Variants in TPST1 observed in about 807,000 individuals in gnomAD.
TPST1 encodes tyrosylprotein sulfotransferase 1, also known as protein-tyrosine sulfotransferase 1.
In TPST1, 20 loss-of-function variants were observed where a neutral mutation model predicts 34.8. The ratio of observed to expected loss-of-function variants is 0.57; its 90% CI spans 0.40 to 0.84. The LOEUF (loss-of-function observed/expected upper bound fraction) is 0.84. TPST1 is among the 40% of genes least tolerant of loss of function. The pLI is 0.00. For missense variants in TPST1, 353 were observed against 455.5 expected (o/e 0.78, Z 2.05); for synonymous variants, 152 against 159.4 (o/e 0.95, Z 0.35).
chr7:66,322,025 TTC>T (rs1491564933), intron 3 of TPST1, among the ~76,000 whole-genome samples: 2 of 152,216 alleles, frequency 1.3e-5, no homozygotes, highest in East Asian at 3.8e-4. Flanking sequence ...GCCTTGCCTT[TTC>T]TCTCTCTTAA....
rs71051352 is a variant in TPST1 at position 66,347,059 on chromosome 7, C to CTTTTTTTTTTTTTTTTT, written c.1045-5436_1045-5420dup. On this transcript the variant is annotated intron_variant, in intron 3 of 5. Coordinates refer to ENST00000304842, the MANE Select transcript of TPST1 (RefSeq NM_003596.4). ...TTTCTTCTTTTTTTCCTTTGCTTTT[C>CTTTTTTTTTTTTTTTTT]TTTTTTTTTTTTTTTTTTTTTTTTT... Among the ~76,000 whole-genome samples, 12 of 59,974 alleles carry CTTTTTTTTTTTTTTTTT rather than the reference C, an allele frequency of 2.0e-4. 4 individuals carry two copies. The highest frequency in any genetic ancestry group is 5.6e-4 in the Admixed American group (2 of 3,546). 39.3% of individuals were successfully genotyped at this position (59,974 alleles called of 152,430 possible). A position where few individuals can be genotyped will look rare whatever the true frequency, so the allele number is the denominator to read the frequency against.
chr7:66,307,603 C>T (rs895297750), intron 3 of TPST1, among the ~76,000 whole-genome samples: 1 of 152,188 alleles, frequency 6.6e-6, no homozygotes, highest in Non-Finnish European at 1.5e-5. Context: ...CCAGTGTGAT[C>T]ATCCTGCTAC....
intron 2 of TPST1, among the ~76,000 whole-genome samples, chr7:66,250,752 A>G (rs775996168): frequency 5.9e-5 from 9 of 152,228 alleles, no homozygotes; most frequent in Non-Finnish European, 1.3e-4. Context: ...TATAAAGTAG[A>G]ACAATTATAA....
intron 1 of TPST1, among the ~76,000 whole-genome samples, chr7:66,239,197 T>C (rs989098418): frequency 1.1e-4 from 16 of 152,178 alleles, no homozygotes; most frequent in African/African-American, 3.9e-4. Context: ...TGTGGGCTGG[T>C]CTCGAACTCC....
At chr7:66,225,081 C>A (rs1789624712) in intron 1 of TPST1, among the ~76,000 whole-genome samples, 1 of 151,316 alleles carries the variant, frequency 6.6e-6, no homozygotes, top group Admixed American at 6.6e-5. Context: ...CCACGCCTGG[C>A]TAATTTTGTA....
chr7:66,281,266 C>T (rs1729926079), intron 2 of TPST1, among the ~76,000 whole-genome samples: 1 of 152,124 alleles, frequency 6.6e-6, no homozygotes, highest in Admixed American at 6.5e-5. Flanking sequence ...CTGTGTTCAT[C>T]AGGGATATTG....
At chr7:66,199,982 G>A in the TPST1 span, among the ~76,000 whole-genome samples, 2 of 151,466 alleles carry the variant, frequency 1.3e-5, no homozygotes, top group Non-Finnish European at 2.9e-5. Context: ...TGCCCGCTTC[G>A]GCCTCCCAAA....
At chr7:66,209,273 A>G (rs1406940796) in intron 1 of TPST1, among the ~76,000 whole-genome samples, 1 of 152,208 alleles carries the variant, frequency 6.6e-6, no homozygotes, top group Non-Finnish European at 1.5e-5. Context: ...TAAAGAAAAA[A>G]GAAAAATGTG....
chr7:66,217,662 C>G (rs1789452815), intron 1 of TPST1, among the ~76,000 whole-genome samples: 1 of 151,640 alleles, frequency 6.6e-6, no homozygotes, highest in Non-Finnish European at 1.5e-5. Flanking sequence ...CTGGTGTGAT[C>G]TCGGCTCTGC....
At chr7:66,241,807 G>A (rs1460613895) in intron 2 of TPST1, among the ~76,000 whole-genome samples, 4 of 152,222 alleles carry the variant, frequency 2.6e-5, no homozygotes, top group Non-Finnish European at 5.9e-5. Context: ...CAAGAAGACT[G>A]AGTCACAGTA....
At chr7:66,329,016 A>G (rs1201660333) in intron 3 of TPST1, among the ~76,000 whole-genome samples, 2 of 147,114 alleles carry the variant, frequency 1.4e-5, no homozygotes, top group African/African-American at 2.5e-5. Context: ...GGCTCAAGCA[A>G]TTCTCCTGCC....
chr7:66,295,533 T>G (rs1775813091), intron 3 of TPST1, among the ~76,000 whole-genome samples: 1 of 152,180 alleles, frequency 6.6e-6, no homozygotes, highest in African/African-American at 2.4e-5. Context: ...CAAAAAACCT[T>G]TGAACTGCCA....
intron 3 of TPST1, among the ~76,000 whole-genome samples, chr7:66,301,237 A>G (rs1791310002): frequency 6.6e-6 from 1 of 152,186 alleles, no homozygotes. Flanking sequence ...CTAGCCTCCA[A>G]CTTTTCCTCT....
chr7:66,351,689 A>G (rs1792482196), intron 3 of TPST1, among the ~76,000 whole-genome samples: 1 of 150,664 alleles, frequency 6.6e-6, no homozygotes, highest in African/African-American at 2.4e-5. Context: ...AAAAAAAAGC[A>G]TGCTAGAATT....
chr7:66,262,329 CCCTT>C (rs1790504160), intron 2 of TPST1, among the ~76,000 whole-genome samples: 1 of 152,114 alleles, frequency 6.6e-6, no homozygotes, highest in Non-Finnish European at 1.5e-5. Flanking sequence ...ATCCCCACCT[CCCTT>C]CCTCTTCTTT....
chr7:66,242,627 A>AT (rs1562811521), intron 2 of TPST1, among the ~76,000 whole-genome samples: 1 of 152,142 alleles, frequency 6.6e-6, no homozygotes, highest in Non-Finnish European at 1.5e-5. Flanking sequence ...ACTATAATTG[A>AT]TTTTTAATCA....
chr7:66,239,063 A>C (rs538075453), intron 1 of TPST1, among the ~76,000 whole-genome samples: 108 of 152,290 alleles, frequency 7.1e-4, no homozygotes, highest in African/African-American at 2.5e-3. Flanking sequence ...TAGCTTTCCT[A>C]AACTTCTTCC....
intron 1 of TPST1, among the ~76,000 whole-genome samples, chr7:66,210,799 T>C (rs1391658190): frequency 1.3e-5 from 2 of 152,034 alleles, no homozygotes; most frequent in Non-Finnish European, 2.9e-5. Flanking sequence ...TCCCTGTCTC[T>C]ACAAAATAGG....
intron 2 of TPST1, among the ~76,000 whole-genome samples, chr7:66,244,925 A>G (rs1174141341): frequency 6.6e-6 from 1 of 152,236 alleles, no homozygotes; most frequent in East Asian, 1.9e-4. Context: ...AATAGTAGTG[A>G]TAAGTACAAG....
Sources: allele counts gnomAD v4.1 joint callset (sites outside exome capture counted in the v4.1 genomes callset), GRCh38; gene constraint gnomAD v4.1.1; transcripts MANE v1.5; gene names NCBI Gene and HGNC (gene_info 2026-07-23, HGNC 2026-07-21).